FKTN: variants seen among roughly 807,000 people sequenced by gnomAD.
The protein encoded by FKTN is fukutin, also known as ribitol-5-phosphate transferase FKTN.
FKTN carries 47 observed loss-of-function variants against 58.6 expected under a neutral mutation model. That is an observed-to-expected ratio of 0.80 (90% confidence interval 0.63 to 1.02). The LOEUF (loss-of-function observed/expected upper bound fraction) is 1.02, where lower values mean the gene tolerates loss of function less well. Among genes scored for constraint, FKTN ranks in the 50% least tolerant of loss-of-function variants. The pLI, the probability that FKTN is intolerant of heterozygous loss-of-function variation, is 0.00. For synonymous variants in FKTN, 178 were observed against 191.9 expected, an observed-to-expected ratio of 0.93 and a Z score of 0.60; for missense variants, 516 against 537.3, an observed-to-expected ratio of 0.96 and a Z score of 0.39.
At chr9:105,590,568 A>C (rs546601012) in intron 3 of FKTN, among the ~76,000 whole-genome samples, 67 of 152,302 alleles carry the variant, frequency 4.4e-4, no homozygotes, top group African/African-American at 1.5e-3. Context: ...GGATTTGTTG[A>C]TGGATTCGAT....
chr9:105,596,585 G>C lies in FKTN; in HGVS notation c.106-13G>C, dbSNP rs370216581. 11 of 1,606,230 alleles carry C rather than the reference G, an allele frequency of 6.8e-6. No homozygotes were observed. In the African/African-American group the frequency reaches 1.5e-4, roughly 21 times the overall value. ...TTTGAATTTACTAAAAAGTTCTTTT[G>C]TTGTCTTCCTAGAATGGAGCTGGTT... On this transcript the variant is annotated splice_polypyrimidine_tract_variant and intron_variant, in intron 3 of 10. Transcript: ENST00000357998.
At chr9:105,564,487 A>C (rs1838980249) in intron 1 of FKTN, among the ~76,000 whole-genome samples, 1 of 152,230 alleles carries the variant, frequency 6.6e-6, no homozygotes, top group South Asian at 2.1e-4. Context: ...TAGCACGAGA[A>C]CTACATGAAG....
At chr9:105,573,772 C>T (rs1253324398) in intron 2 of FKTN, 26 bp downstream of exon 2, 1 of 151,998 alleles carries the variant, frequency 6.6e-6, no homozygotes, top group South Asian at 2.1e-4. Context: ...TTTGCTCATC[C>T]CAATAAAAAG....
chr9:105,630,795 T>G (rs1028880905), intron 10 of FKTN, among the ~76,000 whole-genome samples: 1 of 152,158 alleles, frequency 6.6e-6, no homozygotes, highest in African/African-American at 2.4e-5. Context: ...TTGATAAATT[T>G]TATAATTAAC....
intron 6 of FKTN, among the ~76,000 whole-genome samples, chr9:105,604,955 C>CA (rs1340355164): frequency 0.011 from 1,258 of 109,750 alleles, 12 homozygotes; most frequent in African/African-American, 0.028. Context: ...GACTTTGTCT[C>CA]AAAAAAAAAA....
At chr9:105,617,935 A>T (rs994878081) in intron 8 of FKTN, 24 bp from the exon 9 acceptor site, 14 of 1,485,736 alleles carry the variant, frequency 9.4e-6, no homozygotes, top group African/African-American at 4.2e-5. Flanking sequence ...AAATTTTGTT[A>T]AAAAAATTTA....
chr9:105,565,804 A>C (rs1166156846), intron 1 of FKTN, among the ~76,000 whole-genome samples: 1 of 152,234 alleles, frequency 6.6e-6, no homozygotes, highest in African/African-American at 2.4e-5. Context: ...TGGACCTAAT[A>C]GACATCTATA....
intron 10 of FKTN, among the ~76,000 whole-genome samples, chr9:105,623,842 T>C (rs1428242365): frequency 6.6e-6 from 1 of 152,182 alleles, no homozygotes; most frequent in Non-Finnish European, 1.5e-5. Flanking sequence ...AAATCAGCCA[T>C]ATCTAGAAAC....
intron 1 of FKTN, among the ~76,000 whole-genome samples, chr9:105,562,004 A>G (rs1838384475): frequency 6.6e-6 from 1 of 150,906 alleles, no homozygotes; most frequent in African/African-American, 2.4e-5. Flanking sequence ...CTGCTACATC[A>G]TCTCTCTAAC....
intron 1 of FKTN, among the ~76,000 whole-genome samples, chr9:105,567,191 A>T (rs1240289869): frequency 6.6e-6 from 1 of 152,240 alleles, no homozygotes; most frequent in Non-Finnish European, 1.5e-5. Flanking sequence ...AGCCAATATC[A>T]TACTGAATGG....
At chr9:105,561,443 G>T (rs145686005) in intron 1 of FKTN, among the ~76,000 whole-genome samples, 3 of 151,882 alleles carry the variant, frequency 2.0e-5, no homozygotes, top group Non-Finnish European at 4.4e-5. Context: ...TGATGTTCAC[G>T]TAAGATAAAT....
chr9:105,564,781 T>A (rs2131735556), intron 1 of FKTN, among the ~76,000 whole-genome samples: 1 of 152,220 alleles, frequency 6.6e-6, no homozygotes, highest in South Asian at 2.1e-4. Context: ...ACATTCAAAT[T>A]CAGGAAGTAC....
At chr9:105,591,074 G>C (rs995398097) in intron 3 of FKTN, among the ~76,000 whole-genome samples, 1 of 152,042 alleles carries the variant, frequency 6.6e-6, no homozygotes, top group Non-Finnish European at 1.5e-5. Flanking sequence ...ATGACAAACT[G>C]TCCCCACAAT....
At chr9:105,572,478 T>C (rs1188357100) in intron 1 of FKTN, among the ~76,000 whole-genome samples, 4 of 152,196 alleles carry the variant, frequency 2.6e-5, no homozygotes, top group African/African-American at 9.7e-5. Context: ...GGCAGCCACA[T>C]GTAAGCAGGA....
chr9:105,599,928 T>C (rs1021769784), intron 4 of FKTN, among the ~76,000 whole-genome samples: 4 of 152,144 alleles, frequency 2.6e-5, no homozygotes, highest in Admixed American at 1.3e-4. Flanking sequence ...ACTGTCTAAG[T>C]CTGAAGTTTT....
chr9:105,581,489 G>T (rs928999057), intron 3 of FKTN, among the ~76,000 whole-genome samples: 2 of 151,062 alleles, frequency 1.3e-5, no homozygotes, highest in South Asian at 2.1e-4. Flanking sequence ...GGGGGTCAGG[G>T]GTCAGGGACC....
chr9:105,630,847 A>G (rs930015469), intron 10 of FKTN, among the ~76,000 whole-genome samples: 1 of 152,202 alleles, frequency 6.6e-6, no homozygotes, highest in African/African-American at 2.4e-5. Flanking sequence ...ATTAAAAGGA[A>G]TCTAGGCTGG....
chr9:105,563,954 C>A (rs529959694), intron 1 of FKTN, among the ~76,000 whole-genome samples: 1 of 152,352 alleles, frequency 6.6e-6, no homozygotes, highest in Admixed American at 6.5e-5. Context: ...TGAGACGAAA[C>A]TTCCAGAGGA....
At chr9:105,604,922 C>T (rs1011918142) in intron 6 of FKTN, among the ~76,000 whole-genome samples, 1 of 150,140 alleles carries the variant, frequency 6.7e-6, no homozygotes, top group African/African-American at 2.5e-5. Context: ...TGATACCACA[C>T]TCTAGGCTGG....
Sources: allele counts gnomAD v4.1 joint callset (sites outside exome capture counted in the v4.1 genomes callset), GRCh38; gene constraint gnomAD v4.1.1; transcripts MANE v1.5; gene names NCBI Gene and HGNC (gene_info 2026-07-23, HGNC 2026-07-21).